The following PARVA variants were observed in gnomAD, a reference collection of about 807,000 sequenced individuals.
The protein encoded by PARVA is alpha-parvin.
PARVA carries 25 observed loss-of-function variants against 52.6 expected under a neutral mutation model. That is an observed-to-expected ratio of 0.48 (90% CI 0.35 to 0.66). The LOEUF is 0.66. PARVA is among the 30% of genes least tolerant of loss of function. PARVA has a pLI of 0.01. For missense variants in PARVA, 373 were observed against 450.9 expected, an observed-to-expected ratio of 0.83 and a Z score of 1.56; for synonymous variants, 185 against 179.1, an observed-to-expected ratio of 1.03 and a Z score of -0.26.
intron 12 of PARVA, among the ~76,000 whole-genome samples, chr11:12,524,328 C>A (rs767711203): frequency 1.3e-5 from 2 of 152,218 alleles, no homozygotes; most frequent in Non-Finnish European, 2.9e-5. Flanking sequence ...CAGGGTCACA[C>A]AGCTGTAGTG....
chr11:12,409,527 G>A (rs1032431875), intron 1 of PARVA, among the ~76,000 whole-genome samples: 3 of 152,182 alleles, frequency 2.0e-5, no homozygotes, highest in Non-Finnish European at 4.4e-5. Context: ...CCTTAAAAGT[G>A]GAAGAGAGGA....
intron 6 of PARVA, among the ~76,000 whole-genome samples, chr11:12,506,424 T>C (rs1941431990): frequency 6.6e-6 from 1 of 152,314 alleles, no homozygotes; most frequent in South Asian, 2.1e-4. Context: ...TTGAACATCT[T>C]AAGACTTTTC....
chr11:12,465,989 C>T (rs1940849537), intron 1 of PARVA, among the ~76,000 whole-genome samples: 1 of 152,230 alleles, frequency 6.6e-6, no homozygotes, highest in South Asian at 2.1e-4. Context: ...TGTTGCTCCA[C>T]ACCCCTTGCC....
Position 12,518,355 on chromosome 11 carries a change from C to T in PARVA, c.970-90C>T, listed in dbSNP as rs1318659440. On this transcript the variant is annotated intron_variant, in intron 11 of 12. Transcript: ENST00000334956. ...ATTAGTTCAGCCTCTGTCCCTCTGG[C>T]TACAGTGCTGGGCTCCTTCACTTCC... 3 of 925,174 alleles carry T rather than the reference C, an allele frequency of 3.2e-6. No individual in the cohort carries two copies. The African/African-American group carries it at 4.9e-5, about 15-fold the overall frequency. The allele number at this position is 925,174 out of a possible 1,614,324, so 57.3% of individuals were successfully genotyped here. A position where few individuals can be genotyped will look rare whatever the true frequency, so the allele number is the denominator to read the frequency against.
At chr11:12,437,526 T>C (rs1301724353) in intron 1 of PARVA, among the ~76,000 whole-genome samples, 1 of 152,260 alleles carries the variant, frequency 6.6e-6, no homozygotes, top group Non-Finnish European at 1.5e-5. Context: ...GTAAAGACTA[T>C]GGCCTCTTCA....
intron 1 of PARVA, among the ~76,000 whole-genome samples, chr11:12,416,367 C>T (rs1406945114): frequency 2.0e-5 from 3 of 152,182 alleles, no homozygotes; most frequent in African/African-American, 4.8e-5. Context: ...TAGAACAGCC[C>T]CTCTGGTGGA....
Position 12,496,546 on chromosome 11 carries a change from G to T in PARVA, c.489G>T (p.Lys163Asn), listed in dbSNP as rs1941301242. The change falls in exon 5 of 13, where the codon AAG (lysine) becomes AAT (asparagine). Residue 163 changes from lysine (K) to asparagine (N), a missense_variant. Lys to Asn is a moderately conservative substitution (Grantham distance 94, BLOSUM62 0). Coordinates refer to ENST00000334956, the MANE Select transcript of PARVA (RefSeq NM_018222.5). ...QKQKLQTVLE[K>N]INETLKLPPR... Reference sequence around the variant, plus strand: ...AAAAACTGCAGACTGTCCTGGAGAAGATCAATGAAACCCTGAAACTTCCTC... The same window carrying T: ...AAAAACTGCAGACTGTCCTGGAGAATATCAATGAAACCCTGAAACTTCCTC... 1 of 1,611,698 alleles carries T rather than the reference G, an allele frequency of 6.2e-7. No homozygotes were observed. Among genetic ancestry groups the T allele is most frequent in the African/African-American group, 1.3e-5 (1 of 74,906 alleles).
chr11:12,471,088 G>A (rs1023711191), intron 1 of PARVA, among the ~76,000 whole-genome samples: 8 of 152,206 alleles, frequency 5.3e-5, no homozygotes, highest in African/African-American at 7.2e-5. Context: ...GTGATTCCTC[G>A]GAGCTTGGCG....
chr11:12,490,215 CAAAAA>C (rs34941352), intron 4 of PARVA, among the ~76,000 whole-genome samples: 3 of 107,692 alleles, frequency 2.8e-5, no homozygotes, highest in Admixed American at 9.3e-5. Flanking sequence ...GACTCAGTCT[CAAAAA>C]AAAAAAAAAA....
chr11:12,476,211 G>A (rs944455198), intron 3 of PARVA, among the ~76,000 whole-genome samples: 1 of 152,188 alleles, frequency 6.6e-6, no homozygotes, highest in Non-Finnish European at 1.5e-5. Context: ...ATAGGCCTGA[G>A]CCCTGGGGTG....
chr11:12,448,664 C>T lies in PARVA; in HGVS notation c.137-25081C>T, dbSNP rs138150321. 1.1e-3 allele frequency among the ~76,000 whole-genome samples: 166 copies of T among 152,262 alleles called. 1 individual carries two copies. Among genetic ancestry groups the T allele is most frequent in the African/African-American group, 3.9e-3 (163 of 41,542 alleles). On this transcript the variant is annotated intron_variant, in intron 1 of 12. Coordinates refer to ENST00000334956, the MANE Select transcript of PARVA (RefSeq NM_018222.5). ...GATGCTGTTGAGCCCGAGTCAGCCT[C>T]AGGTCAAGATGTGTCTTAGAAAATG...
chr11:12,534,332 G>A lies in PARVA; in HGVS notation c.*6407G>A, dbSNP rs1322017964. Among the ~76,000 whole-genome samples, 2 of 152,144 alleles carry A rather than the reference G, an allele frequency of 1.3e-5. No homozygotes were observed. The highest frequency in any genetic ancestry group is 2.1e-4 in the South Asian group (1 of 4,820). ...TTGAAATCTCCTTGGTTGGAAACCAGTCCAGTGGGTGACTGGCCCAGAATG... is the reference window on the plus strand; with the variant it reads ...TTGAAATCTCCTTGGTTGGAAACCAATCCAGTGGGTGACTGGCCCAGAATG... On this transcript the variant is annotated 3_prime_UTR_variant, in exon 13 of 13. Transcript: ENST00000334956.
At chr11:12,410,951 C>G (rs1410396946) in intron 1 of PARVA, among the ~76,000 whole-genome samples, 2 of 152,148 alleles carry the variant, frequency 1.3e-5, no homozygotes, top group Admixed American at 6.5e-5. Flanking sequence ...CCTCGCCGTA[C>G]CTCACTTTTC....
At chr11:12,497,990 C>A (rs1000840210) in intron 5 of PARVA, among the ~76,000 whole-genome samples, 28 of 152,220 alleles carry the variant, frequency 1.8e-4, no homozygotes, top group African/African-American at 6.5e-4. Flanking sequence ...TATCATGGCA[C>A]CCAATTTGGG....
intron 1 of PARVA, among the ~76,000 whole-genome samples, chr11:12,456,494 A>G (rs1013153103): frequency 6.6e-6 from 1 of 151,822 alleles, no homozygotes; most frequent in Non-Finnish European, 1.5e-5. Context: ...CATCCTACAG[A>G]CTTGCAAAAC....
chr11:12,426,636 G>A (rs1211022694), intron 1 of PARVA, among the ~76,000 whole-genome samples: 2 of 152,202 alleles, frequency 1.3e-5, no homozygotes, highest in Non-Finnish European at 2.9e-5. Flanking sequence ...CATTTTCAGT[G>A]GAGGAAACCA....
At chr11:12,518,759 G>A (rs1941603442) in intron 12 of PARVA, among the ~76,000 whole-genome samples, 1 of 152,214 alleles carries the variant, frequency 6.6e-6, no homozygotes, top group South Asian at 2.1e-4. Flanking sequence ...CAGGGACCGA[G>A]CAGAACTGCT....
intron 1 of PARVA, among the ~76,000 whole-genome samples, chr11:12,388,607 A>G (rs1169116442): frequency 6.6e-6 from 1 of 152,228 alleles, no homozygotes; most frequent in African/African-American, 2.4e-5. Context: ...GGAAAAATAG[A>G]TAAAACCGTT....
chr11:12,389,422 G>A (rs551598102), intron 1 of PARVA, among the ~76,000 whole-genome samples: 2 of 152,266 alleles, frequency 1.3e-5, no homozygotes, highest in East Asian at 3.9e-4. Flanking sequence ...GTGGAGGTCT[G>A]GTCAAGAAGT....
Sources: gnomAD v4.1 joint callset for allele counts (sites outside exome capture counted in the v4.1 genomes callset) on GRCh38, gnomAD v4.1.1 for gene constraint, MANE v1.5 for transcripts, NCBI Gene and HGNC (gene_info 2026-07-23, HGNC 2026-07-21) for gene names.